MBOAT1: variants seen among roughly 807,000 people sequenced by gnomAD.
MBOAT1 encodes the protein membrane-bound glycerophospholipid O-acyltransferase 1.
In MBOAT1, 67 loss-of-function variants were observed where a neutral mutation model predicts 64.4. The ratio of observed to expected loss-of-function variants is 1.04; its 90% CI spans 0.85 to 1.27. MBOAT1 has a LOEUF of 1.27. Ranked by LOEUF, MBOAT1 falls within the 50% of genes most tolerant of loss-of-function variation. The pLI is 0.00. For synonymous variants in MBOAT1, 229 were observed against 218.9 expected (o/e 1.05, Z -0.41); for missense variants, 563 against 604.6 (o/e 0.93, Z 0.72).
At chr6:20,117,008 A>G (rs570297649) in intron 9 of MBOAT1, among the ~76,000 whole-genome samples, 3 of 152,338 alleles carry the variant, frequency 2.0e-5, no homozygotes, top group South Asian at 4.1e-4. Flanking sequence ...CTATATAAAA[A>G]AGAGAAGCTT....
At chr6:20,121,459 A>AT (rs1760490727) in intron 8 of MBOAT1, among the ~76,000 whole-genome samples, 1 of 152,230 alleles carries the variant, frequency 6.6e-6, no homozygotes, top group African/African-American at 2.4e-5. Context: ...AAAGGGAAGC[A>AT]TGGGGGGGAG....
At chr6:20,147,423 T>G (rs1761358818) in intron 3 of MBOAT1, among the ~76,000 whole-genome samples, 1 of 152,212 alleles carries the variant, frequency 6.6e-6, no homozygotes, top group South Asian at 2.1e-4. Context: ...GCGGATCACC[T>G]GAGGTCAGGG....
At chr6:20,103,936 A>C (rs1339074962) in intron 12 of MBOAT1, among the ~76,000 whole-genome samples, 1 of 152,148 alleles carries the variant, frequency 6.6e-6, no homozygotes, top group Admixed American at 6.5e-5. Context: ...ACATTCACTC[A>C]CCACTCACTC....
intron 1 of MBOAT1, among the ~76,000 whole-genome samples, chr6:20,160,185 GTCTTAAATCTACCCTAA>G (rs1761809755): frequency 6.6e-6 from 1 of 152,174 alleles, no homozygotes; most frequent in Admixed American, 6.5e-5. Flanking sequence ...TCAAACGCAA[GTCTTAAATCTACCCTAA>G]TGTGCTGCTA....
chr6:20,182,493 C>A (rs1762538830), intron 1 of MBOAT1, among the ~76,000 whole-genome samples: 1 of 152,160 alleles, frequency 6.6e-6, no homozygotes, highest in Non-Finnish European at 1.5e-5. Flanking sequence ...TAATTAAGGA[C>A]CTCTCATTTC....
chr6:20,120,181 G>C (rs1041476281), intron 8 of MBOAT1, among the ~76,000 whole-genome samples: 1 of 152,034 alleles, frequency 6.6e-6, no homozygotes, highest in Admixed American at 6.6e-5. Flanking sequence ...CTACATACAC[G>C]GGCCTAGGAG....
intron 11 of MBOAT1, among the ~76,000 whole-genome samples, chr6:20,111,984 G>A (rs890498856): frequency 6.7e-6 from 1 of 149,074 alleles, no homozygotes; most frequent in Non-Finnish European, 1.5e-5. Flanking sequence ...CTAGAACACT[G>A]ACTAGCACAC....
intron 1 of MBOAT1, among the ~76,000 whole-genome samples, chr6:20,185,554 C>T (rs1581453913): frequency 6.6e-6 from 1 of 152,124 alleles, no homozygotes; most frequent in African/African-American, 2.4e-5. Context: ...CCTGGATCTC[C>T]AGATTTTAGA....
intron 1 of MBOAT1, among the ~76,000 whole-genome samples, chr6:20,158,090 A>C (rs566843648): frequency 6.6e-6 from 1 of 150,618 alleles, no homozygotes; most frequent in South Asian, 2.1e-4. Context: ...TGGCAGACAG[A>C]GGTTACAGTG....
At chr6:20,188,089 G>A (rs16883485) in intron 1 of MBOAT1, among the ~76,000 whole-genome samples, 1 of 152,112 alleles carries the variant, frequency 6.6e-6, no homozygotes, top group Non-Finnish European at 1.5e-5. Flanking sequence ...GCAACCCTAC[G>A]AACTACAAGG....
In MBOAT1 at chr6:20,128,687, C is replaced by A; in HGVS notation, c.530+12G>T. On this transcript the variant is annotated intron_variant, in intron 6 of 12. Transcript: ENST00000324607. ...CAAAGGGCTTGTTAATATATCGTTACACTTCACTTACTTGATAGCAAGTCG... is the reference window on the plus strand; with the variant it reads ...CAAAGGGCTTGTTAATATATCGTTAAACTTCACTTACTTGATAGCAAGTCG... 8 of 1,603,800 alleles carry A rather than the reference C, an allele frequency of 5.0e-6. No individual in the cohort carries two copies. In the South Asian group the frequency reaches 7.9e-5, roughly 16 times the overall value.
intron 1 of MBOAT1, 56 bp downstream of exon 1, chr6:20,212,080 C>A: frequency 6.5e-7 from 1 of 1,530,316 alleles, no homozygotes; most frequent in South Asian, 1.1e-5. Context: ...TTTCGCCCGC[C>A]CCGTGCACGC....
intron 4 of MBOAT1, among the ~76,000 whole-genome samples, chr6:20,132,588 A>G (rs939325631): frequency 2.6e-5 from 4 of 152,226 alleles, no homozygotes; most frequent in African/African-American, 9.6e-5. Context: ...AAAATGGATC[A>G]AAGACCTAGA....
chr6:20,169,285 G>T (rs1053916964), intron 1 of MBOAT1, among the ~76,000 whole-genome samples: 5 of 152,126 alleles, frequency 3.3e-5, no homozygotes, highest in African/African-American at 1.2e-4. Context: ...GTTCTCAAAA[G>T]TCTCAAAACA....
chr6:20,124,351 C>G, intron 8 of MBOAT1, 57 bp downstream of exon 8: 1 of 1,549,550 alleles, frequency 6.5e-7, no homozygotes, highest in Non-Finnish European at 8.8e-7. Flanking sequence ...TCTGGCTAAG[C>G]CATTCAAGCA....
intron 1 of MBOAT1, among the ~76,000 whole-genome samples, chr6:20,165,036 A>G (rs867180044): frequency 2.0e-5 from 3 of 152,214 alleles, no homozygotes; most frequent in Non-Finnish European, 1.5e-5. Flanking sequence ...GGCATATTAA[A>G]TGCATTGTTT....
chr6:20,125,703 T>C (rs2113650634), intron 7 of MBOAT1, among the ~76,000 whole-genome samples: 1 of 152,350 alleles, frequency 6.6e-6, no homozygotes, highest in East Asian at 1.9e-4. Flanking sequence ...TTGAGATACT[T>C]GACCAACCAT....
chr6:20,101,626 G>C lies in MBOAT1; in HGVS notation c.*660C>G, dbSNP rs184649975. 6.6e-6 allele frequency among the ~76,000 whole-genome samples: 1 copy of C among 152,126 alleles called. No homozygotes were observed. Among genetic ancestry groups the C allele is most frequent in the South Asian group, 2.1e-4 (1 of 4,832 alleles). ...CACTCGCCTTCTAATTTTTGGAGCC[G>C]ATGCCTGGGTTCCCAGCATCCAGGT... On this transcript the variant is annotated 3_prime_UTR_variant, in exon 13 of 13. Coordinates refer to ENST00000324607, the MANE Select transcript of MBOAT1 (RefSeq NM_001080480.3).
intron 1 of MBOAT1, among the ~76,000 whole-genome samples, chr6:20,181,797 A>T (rs571413698): frequency 6.6e-6 from 1 of 152,338 alleles, no homozygotes; most frequent in East Asian, 1.9e-4. Flanking sequence ...CCCAATATAC[A>T]GCACTATGAG....
Sources: gnomAD v4.1 joint callset for allele counts (sites outside exome capture counted in the v4.1 genomes callset) on GRCh38, gnomAD v4.1.1 for gene constraint, MANE v1.5 for transcripts, NCBI Gene and HGNC (gene_info 2026-07-23, HGNC 2026-07-21) for gene names.